The following KDM3B variants were observed in gnomAD, a reference collection of about 807,000 sequenced individuals.
KDM3B encodes lysine demethylase 3B.
Under a neutral mutation model 170.0 loss-of-function variants are expected in KDM3B, and 10 were observed. That is an observed-to-expected ratio of 0.06 (90% confidence interval 0.04 to 0.10). The LOEUF (loss-of-function observed/expected upper bound fraction) is 0.10. Ranked by LOEUF, KDM3B falls within the 10% of genes least tolerant of loss-of-function variation. The pLI is 1.00. For missense variants in KDM3B, 1,394 were observed against 2,195.2 expected (o/e 0.64, Z 7.29); for synonymous variants, 831 against 834.8 (o/e 1.00, Z 0.08).
intron 10 of KDM3B, among the ~76,000 whole-genome samples, chr5:138,399,609 A>G (rs1368998629): frequency 6.6e-6 from 1 of 152,040 alleles, no homozygotes; most frequent in Non-Finnish European, 1.5e-5. Flanking sequence ...CTTTTTGACA[A>G]TAGGTTATAT....
At chr5:138,429,384 A>G (rs1333868079) in intron 20 of KDM3B, among the ~76,000 whole-genome samples, 1 of 152,158 alleles carries the variant, frequency 6.6e-6, no homozygotes, top group East Asian at 1.9e-4. Context: ...CACCTGCAGC[A>G]TTCATTATGG....
rs538449018 is a variant in KDM3B at position 138,372,996 on chromosome 5, T to C, written c.360+155T>C. 3.3e-4 allele frequency among the ~76,000 whole-genome samples: 51 copies of C among 152,342 alleles called. No homozygotes were observed. The South Asian group carries it at 0.01, about 30-fold the overall frequency. On this transcript the variant is annotated intron_variant, in intron 2 of 23. Transcript: ENST00000314358. ...TAATGCAAAAATTAGGAGCAGTCTT[T>C]TCTCCTTTGTCCTCCAAAATGTTTT...
At chr5:138,417,635 C>T (rs1763137619) in intron 13 of KDM3B, 25 bp downstream of exon 13, 10 of 1,603,744 alleles carry the variant, frequency 6.2e-6, no homozygotes, top group Non-Finnish European at 8.5e-6. Flanking sequence ...GTGGGTATAA[C>T]TAAGTGAAGC....
intron 12 of KDM3B, 37 bp from the exon 13 acceptor site, chr5:138,417,446 T>A: frequency 6.2e-7 from 1 of 1,604,596 alleles, no homozygotes; most frequent in Non-Finnish European, 8.5e-7. Flanking sequence ...TATATGAGTA[T>A]TCTGGTGTTA....
chr5:138,413,427 A>T (rs1394207799), intron 11 of KDM3B, among the ~76,000 whole-genome samples: 4 of 152,034 alleles, frequency 2.6e-5, no homozygotes, highest in Admixed American at 2.6e-4. Context: ...ATTATCAAGG[A>T]TGTAGAAGTA....
At chr5:138,370,003 G>A (rs1446940584) in intron 1 of KDM3B, among the ~76,000 whole-genome samples, 1 of 152,188 alleles carries the variant, frequency 6.6e-6, no homozygotes, top group African/African-American at 2.4e-5. Flanking sequence ...AGCTTTGTAC[G>A]TTATGCTGCC....
intron 1 of KDM3B, among the ~76,000 whole-genome samples, chr5:138,353,981 G>A (rs1445611796): frequency 6.6e-6 from 1 of 152,024 alleles, no homozygotes; most frequent in Non-Finnish European, 1.5e-5. Context: ...GGCAGGGGGT[G>A]GTCTTTTGGA....
chr5:138,425,757 C>G, intron 17 of KDM3B, 175 bp downstream of exon 17: 1 of 574,106 alleles, frequency 1.7e-6, no homozygotes. Flanking sequence ...CCTGTAATTT[C>G]AGTCTTTTTG....
intron 9 of KDM3B, among the ~76,000 whole-genome samples, chr5:138,395,848 C>G (rs1460105750): frequency 6.6e-6 from 1 of 151,930 alleles, no homozygotes; most frequent in Non-Finnish European, 1.5e-5. Context: ...GAACTCCTAA[C>G]CTGAGGTGAT....
intron 9 of KDM3B, among the ~76,000 whole-genome samples, chr5:138,393,803 T>C (rs1206634109): frequency 1.3e-5 from 2 of 152,158 alleles, no homozygotes; most frequent in African/African-American, 2.4e-5. Flanking sequence ...GAAATAGATA[T>C]AACTGATGGA....
intron 1 of KDM3B, among the ~76,000 whole-genome samples, chr5:138,369,102 T>C (rs953660290): frequency 1.3e-5 from 2 of 152,244 alleles, no homozygotes; most frequent in South Asian, 4.1e-4. Context: ...CCATACACCA[T>C]GGCACCTAGG....
In KDM3B at chr5:138,434,277, C is replaced by T. The variant is rs376099020; in HGVS notation, c.5206-1343C>T. On this transcript the variant is annotated intron_variant, in intron 23 of 23. Transcript: ENST00000314358. The stretch of plus-strand genomic sequence containing the variant: ...TTATTTAAAAACAACAGGCTGGGCG[C>T]GGTGGCTCACGCCTGTAATCCCAAC... Among the ~76,000 whole-genome samples, 100 of 151,906 alleles carry T rather than the reference C, an allele frequency of 6.6e-4. No homozygotes were observed. In the South Asian group the frequency reaches 0.019, roughly 29 times the overall value.
At chr5:138,382,366 C>T (rs1460819074) in intron 6 of KDM3B, among the ~76,000 whole-genome samples, 2 of 152,064 alleles carry the variant, frequency 1.3e-5, no homozygotes, top group Non-Finnish European at 2.9e-5. Context: ...GTGGGAGAAT[C>T]GCTAGAACCT....
intron 1 of KDM3B, among the ~76,000 whole-genome samples, chr5:138,365,368 C>A (rs1017910545): frequency 6.6e-6 from 1 of 152,114 alleles, no homozygotes; most frequent in Non-Finnish European, 1.5e-5. Context: ...AGCGATTCTC[C>A]TGCCTCAGCC....
chr5:138,416,728 C>T (rs933852935), intron 12 of KDM3B, among the ~76,000 whole-genome samples: 1 of 151,918 alleles, frequency 6.6e-6, no homozygotes, highest in Non-Finnish European at 1.5e-5. Context: ...CCCTGCAGCT[C>T]TTAGTATAAA....
intron 1 of KDM3B, among the ~76,000 whole-genome samples, chr5:138,371,623 C>G (rs1443430288): frequency 6.6e-6 from 1 of 152,008 alleles, no homozygotes; most frequent in African/African-American, 2.4e-5. Flanking sequence ...GTGACTACAG[C>G]AAGTGTCTGC....
At chr5:138,357,065 G>A (rs1279532920) in intron 1 of KDM3B, among the ~76,000 whole-genome samples, 1 of 151,630 alleles carries the variant, frequency 6.6e-6, no homozygotes, top group Non-Finnish European at 1.5e-5. Context: ...TGTCTCCCGG[G>A]CTGGAGTGCA....
chr5:138,416,183 C>A (rs895440947), intron 12 of KDM3B, among the ~76,000 whole-genome samples: 6 of 152,222 alleles, frequency 3.9e-5, no homozygotes, highest in Admixed American at 1.3e-4. Context: ...CAGTTTACTT[C>A]AGTGATTCTT....
intron 7 of KDM3B, 55 bp downstream of exon 7, chr5:138,386,676 T>C: frequency 1.3e-6 from 2 of 1,556,844 alleles, no homozygotes. Context: ...TTCGCCCTCC[T>C]TTATTGCTAA....
Sources: allele counts gnomAD v4.1 joint callset (sites outside exome capture counted in the v4.1 genomes callset), GRCh38; gene constraint gnomAD v4.1.1; transcripts MANE v1.5; gene names NCBI Gene and HGNC (gene_info 2026-07-23, HGNC 2026-07-21).